Variants in UNC5D observed in about 807,000 individuals in gnomAD.
UNC5D encodes the protein unc-5 netrin receptor D, also known as netrin receptor UNC5D.
In UNC5D, 39 loss-of-function variants were observed where a neutral mutation model predicts 105.4. That is an observed-to-expected ratio of 0.37 (90% confidence interval 0.29 to 0.48). The LOEUF is 0.48. UNC5D is among the 20% of genes least tolerant of loss of function. The pLI is 0.98. For missense variants in UNC5D, 991 were observed against 1,202.4 expected (o/e 0.82, Z 2.60); for synonymous variants, 452 against 450.4 (o/e 1.00, Z -0.04).
intron 3 of UNC5D, among the ~76,000 whole-genome samples, chr8:35,591,876 C>T (rs1819197776): frequency 6.6e-6 from 1 of 152,198 alleles, no homozygotes; most frequent in African/African-American, 2.4e-5. Flanking sequence ...CTGTTACCAA[C>T]ACAGCAATCT....
chr8:35,658,523 G>C (rs973768322), intron 4 of UNC5D, among the ~76,000 whole-genome samples: 1 of 151,908 alleles, frequency 6.6e-6, no homozygotes, highest in Non-Finnish European at 1.5e-5. Context: ...CAGATGCTGT[G>C]TAATGATGTT....
intron 4 of UNC5D, among the ~76,000 whole-genome samples, chr8:35,666,950 C>T (rs569246889): frequency 6.6e-6 from 1 of 152,212 alleles, no homozygotes; most frequent in South Asian, 2.1e-4. Context: ...TCTAACATAA[C>T]TAGGGGAAGA....
At chr8:35,504,828 C>G (rs1173135653) in intron 1 of UNC5D, among the ~76,000 whole-genome samples, 1 of 152,100 alleles carries the variant, frequency 6.6e-6, no homozygotes, top group Non-Finnish European at 1.5e-5. Context: ...CTCCTCTTCT[C>G]TCATGGTGAA....
At chr8:35,324,481 A>T (rs1585585593) in intron 1 of UNC5D, among the ~76,000 whole-genome samples, 1 of 152,242 alleles carries the variant, frequency 6.6e-6, no homozygotes, top group South Asian at 2.1e-4. Flanking sequence ...AGGTATTAAA[A>T]GCATTTCATA....
chr8:35,414,018 A>G (rs1288375380), intron 1 of UNC5D, among the ~76,000 whole-genome samples: 1 of 152,070 alleles, frequency 6.6e-6, no homozygotes, highest in African/African-American at 2.4e-5. Context: ...ATGGGACCCA[A>G]ATCCTGATGT....
intron 1 of UNC5D, among the ~76,000 whole-genome samples, chr8:35,381,463 T>A (rs898909935): frequency 2.6e-5 from 4 of 152,178 alleles, no homozygotes; most frequent in African/African-American, 9.7e-5. Context: ...CCTTACTCAG[T>A]GATTCTGCTT....
At chr8:35,411,832 C>T (rs1222813058) in intron 1 of UNC5D, among the ~76,000 whole-genome samples, 1 of 151,756 alleles carries the variant, frequency 6.6e-6, no homozygotes, top group Non-Finnish European at 1.5e-5. Context: ...CAGAATGGTC[C>T]TTGCCATATT....
At chr8:35,483,540 T>C (rs909110907) in intron 1 of UNC5D, among the ~76,000 whole-genome samples, 1 of 152,174 alleles carries the variant, frequency 6.6e-6, no homozygotes, top group African/African-American at 2.4e-5. Context: ...TTAAGGAAAT[T>C]TAGCTTGAAA....
At chr8:35,254,040 A>G (rs967379581) in intron 1 of UNC5D, among the ~76,000 whole-genome samples, 1 of 152,070 alleles carries the variant, frequency 6.6e-6, no homozygotes, top group Non-Finnish European at 1.5e-5. Flanking sequence ...CTGTCCCACA[A>G]TTTTCCTTGT....
chr8:35,748,344 T>G (rs1279481220), intron 11 of UNC5D, among the ~76,000 whole-genome samples, 183 bp from the exon 12 acceptor site: 1 of 152,198 alleles, frequency 6.6e-6, no homozygotes, highest in East Asian at 1.9e-4. Flanking sequence ...CTTAAACTCC[T>G]TCCGTGTGTC....
Position 35,790,698 on chromosome 8 carries a change from A to C in UNC5D, c.*135A>C, listed in dbSNP as rs1478782925. 1.1e-6 allele frequency: 1 copy of C among 938,966 alleles called. No homozygotes were observed. The highest frequency in any genetic ancestry group is 1.6e-6 in the Non-Finnish European group (1 of 625,384). 58.2% of individuals were successfully genotyped at this position (938,966 alleles called of 1,614,324 possible). A position where few individuals can be genotyped will look rare whatever the true frequency, so the allele number is the denominator to read the frequency against. On this transcript the variant is annotated 3_prime_UTR_variant, in exon 17 of 17. Coordinates refer to ENST00000404895, the MANE Select transcript of UNC5D (RefSeq NM_080872.4). Reference sequence around the variant, plus strand: ...ATAATCAGTGAGATTCCCCTGTTGAAGAAACTAAATTTTATATAGGTAAAA... The same window carrying C: ...ATAATCAGTGAGATTCCCCTGTTGACGAAACTAAATTTTATATAGGTAAAA...
At position 35,784,669 on chromosome 8, in the gene UNC5D, A is replaced by T. The variant is rs147063237; in HGVS notation, c.2658-5690A>T. ...AGGCTGAAGCATAAGAATTGCTGAAACCTGGGAGGTGGAGGTTGCAGTCAG... is the reference window on the plus strand; with the variant it reads ...AGGCTGAAGCATAAGAATTGCTGAATCCTGGGAGGTGGAGGTTGCAGTCAG... On this transcript the variant is annotated intron_variant, in intron 16 of 16. Coordinates refer to ENST00000404895, the MANE Select transcript of UNC5D (RefSeq NM_080872.4). Among the ~76,000 whole-genome samples, 665 of 152,136 alleles carry T rather than the reference A, an allele frequency of 4.4e-3. 5 individuals are homozygous for T. The highest frequency in any genetic ancestry group is 8.2e-3 in the Non-Finnish European group (555 of 67,994).
intron 16 of UNC5D, among the ~76,000 whole-genome samples, chr8:35,780,748 A>G (rs891849895): frequency 6.6e-6 from 1 of 152,192 alleles, no homozygotes; most frequent in South Asian, 2.1e-4. Context: ...TGGTTCTGCA[A>G]GTTAGAAAAC....
At chr8:35,518,125 AAAG>A (rs912535105) in intron 1 of UNC5D, among the ~76,000 whole-genome samples, 34 of 152,340 alleles carry the variant, frequency 2.2e-4, no homozygotes, top group African/African-American at 7.5e-4. Flanking sequence ...ACTGAAAAAA[AAAG>A]CACTTGTGTA....
chr8:35,680,830 C>A (rs1825609405), intron 4 of UNC5D, among the ~76,000 whole-genome samples: 1 of 152,148 alleles, frequency 6.6e-6, no homozygotes, highest in Non-Finnish European at 1.5e-5. Flanking sequence ...TACTTCCTGA[C>A]AAACTGTTTG....
intron 1 of UNC5D, among the ~76,000 whole-genome samples, chr8:35,539,706 C>T (rs957617107): frequency 5.9e-5 from 9 of 152,130 alleles, no homozygotes; most frequent in Non-Finnish European, 1.2e-4. Flanking sequence ...AAAATTCCGT[C>T]GAATCATGTT....
At chr8:35,782,505 T>TAA (rs1563759552) in intron 16 of UNC5D, among the ~76,000 whole-genome samples, 69 of 150,180 alleles carry the variant, frequency 4.6e-4, no homozygotes, top group Non-Finnish European at 7.4e-4. Context: ...CTCAAAAATT[T>TAA]TTTTTTTTTT....
intron 1 of UNC5D, among the ~76,000 whole-genome samples, chr8:35,403,189 T>C (rs947114512): frequency 6.6e-6 from 1 of 152,256 alleles, no homozygotes; most frequent in African/African-American, 2.4e-5. Flanking sequence ...TTCTTACCTT[T>C]TGCTAAAGCT....
chr8:35,235,767 C>T lies in UNC5D; in HGVS notation c.-18C>T. The T allele has an allele frequency of 8.1e-7, 1 of 1,229,464 alleles. No homozygotes were observed. The highest frequency in any genetic ancestry group is 1.0e-6 in the Non-Finnish European group (1 of 985,544). 76.2% of individuals were successfully genotyped at this position (1,229,464 alleles called of 1,614,324 possible). On this transcript the variant is annotated 5_prime_UTR_variant, in exon 1 of 17. Transcript: ENST00000404895. ...CGGAGCGTGAAGAAGAGCCGCCCTC[C>T]GGAACGCGGCGAGGAGCATGGGGAG...
Sources: gnomAD v4.1 joint callset for allele counts (sites outside exome capture counted in the v4.1 genomes callset) on GRCh38, gnomAD v4.1.1 for gene constraint, MANE v1.5 for transcripts, NCBI Gene and HGNC (gene_info 2026-07-23, HGNC 2026-07-21) for gene names.